The following DAB1 variants were observed in gnomAD, a reference collection of about 807,000 sequenced individuals.
DAB1 encodes the protein disabled homolog 1.
In DAB1, 15 loss-of-function variants were observed where a neutral mutation model predicts 64.6. That is an observed-to-expected ratio of 0.23 (90% confidence interval 0.16 to 0.36). The LOEUF (loss-of-function observed/expected upper bound fraction) is 0.36. Ranked by LOEUF, DAB1 falls within the 10% of genes least tolerant of loss-of-function variation. The probability of loss-of-function intolerance (pLI) is 1.00; values close to 1 mark genes in which losing one functional copy is unlikely to be tolerated. For synonymous variants in DAB1, 235 were observed against 251.9 expected, an observed-to-expected ratio of 0.93 and a Z score of 0.64; for missense variants, 596 against 706.7, an observed-to-expected ratio of 0.84 and a Z score of 1.78.
chr1:57,464,105 T>TA (rs1686878465), intron 7 of DAB1, among the ~76,000 whole-genome samples: 1 of 152,202 alleles, frequency 6.6e-6, no homozygotes, highest in Non-Finnish European at 1.5e-5. Context: ...TACTTACTAA[T>TA]AAATACTGAA....
At chr1:58,530,483 T>C (rs554645983) in intron 1 of DAB1, 7 of 614,172 alleles carry the variant, frequency 1.1e-5, no homozygotes, top group Non-Finnish European at 2.0e-5. Flanking sequence ...ACACTAAAAA[T>C]TCGTACCCAT....
At chr1:57,770,324 G>C (rs1021999512) in intron 6 of DAB1, among the ~76,000 whole-genome samples, 4 of 152,182 alleles carry the variant, frequency 2.6e-5, no homozygotes, top group African/African-American at 9.6e-5. Context: ...CTGGAGTGCA[G>C]TGGTGTGATC....
intron 4 of DAB1, among the ~76,000 whole-genome samples, chr1:58,243,282 A>ATT (rs1660381125): frequency 6.6e-6 from 1 of 152,184 alleles, no homozygotes; most frequent in Non-Finnish European, 1.5e-5. Context: ...TGTATTCTGC[A>ATT]TTTTAAGTAA....
At chr1:57,458,308 AT>A (rs933232503) in intron 7 of DAB1, among the ~76,000 whole-genome samples, 1 of 151,926 alleles carries the variant, frequency 6.6e-6, no homozygotes, top group Non-Finnish European at 1.5e-5. Flanking sequence ...GCTCATTTAA[AT>A]TTTTTTTATA....
intron 6 of DAB1, among the ~76,000 whole-genome samples, chr1:57,661,230 C>G (rs1330400095): frequency 1.3e-5 from 2 of 152,198 alleles, no homozygotes; most frequent in African/African-American, 4.8e-5. Flanking sequence ...GGCAGGGAGG[C>G]AGATTGTTAC....
chr1:58,166,009 A>C (rs1655811995), intron 4 of DAB1, among the ~76,000 whole-genome samples: 1 of 152,222 alleles, frequency 6.6e-6, no homozygotes. Context: ...GTTAGTAAGT[A>C]AGTGGAAAGA....
intron 2 of DAB1, among the ~76,000 whole-genome samples, chr1:58,521,063 C>A (rs1646254458): frequency 6.6e-6 from 1 of 152,222 alleles, no homozygotes; most frequent in Admixed American, 6.5e-5. Flanking sequence ...AAGACCCAAC[C>A]CTTTTCAAAG....
At chr1:57,327,784 G>A (rs766506013) in intron 1 of DAB1, among the ~76,000 whole-genome samples, 15 of 151,984 alleles carry the variant, frequency 9.9e-5, no homozygotes, top group Non-Finnish European at 2.2e-4. Flanking sequence ...AGATTTGAGC[G>A]GCCAAATCAA....
intron 7 of DAB1, among the ~76,000 whole-genome samples, chr1:57,453,419 C>A (rs554494033): frequency 2.0e-4 from 31 of 152,258 alleles, no homozygotes; most frequent in African/African-American, 7.0e-4. Context: ...GGAGAAACAT[C>A]CATGTGCTCA....
intron 5 of DAB1, among the ~76,000 whole-genome samples, chr1:57,908,219 G>A (rs957718093): frequency 3.3e-5 from 5 of 152,080 alleles, no homozygotes; most frequent in African/African-American, 1.2e-4. Context: ...CCCCAGAAGT[G>A]TATCTTTGAG....
In DAB1 at chr1:58,222,500, T is replaced by C. The variant is rs113079173; in HGVS notation, n.310-71912A>G. Reference sequence around the variant, plus strand: ...GACCTGTAAGTTATGATGATAATAGTTATGAGACAAATTCCTTTGAGAAGC... The same window carrying C: ...GACCTGTAAGTTATGATGATAATAGCTATGAGACAAATTCCTTTGAGAAGC... On this transcript the variant is annotated intron_variant and non_coding_transcript_variant, in intron 4 of 20. Coordinates refer to the DAB1 transcript ENST00000485760. 5.4e-3 allele frequency among the ~76,000 whole-genome samples: 821 copies of C among 152,340 alleles called. 9 individuals are homozygous for C. Among genetic ancestry groups the C allele is most frequent in the African/African-American group, 0.019 (775 of 41,574 alleles).
At chr1:57,988,056 G>A (rs1023080133) in intron 5 of DAB1, among the ~76,000 whole-genome samples, 2 of 152,114 alleles carry the variant, frequency 1.3e-5, no homozygotes, top group Admixed American at 6.5e-5. Context: ...GGGGCCAGGT[G>A]TGTACTTAGG....
intron 6 of DAB1, among the ~76,000 whole-genome samples, chr1:57,790,329 G>A (rs192800962): frequency 2.6e-5 from 4 of 152,248 alleles, no homozygotes; most frequent in East Asian, 1.9e-4. Context: ...CCTTTGCTCT[G>A]TACTTCTCCT....
chr1:57,599,541 A>G (rs148399434), intron 7 of DAB1, among the ~76,000 whole-genome samples: 1 of 152,152 alleles, frequency 6.6e-6, no homozygotes, highest in East Asian at 2.0e-4. Flanking sequence ...CGGGAGCTCG[A>G]GTAAGTTATA....
chr1:57,439,417 G>GGTTTTTTTTTTTTTTTTTTTTTT (rs1328337487), intron 7 of DAB1, among the ~76,000 whole-genome samples: 16 of 111,028 alleles, frequency 1.4e-4, no homozygotes, highest in South Asian at 6.7e-4. Context: ...TTGGTGATGA[G>GGTTTTTTTTTTTTTTTTTTTTTT]GTTTTTTCTT....
chr1:58,145,438 G>GGGATTACTA lies in DAB1; in HGVS notation n.387+5072_387+5073insTAGTAATCC, dbSNP rs1449219319. 4.0e-3 allele frequency among the ~76,000 whole-genome samples: 614 copies of GGGATTACTA among 152,296 alleles called. 6 individuals are homozygous for GGGATTACTA. Among genetic ancestry groups the GGGATTACTA allele is most frequent in the African/African-American group, 0.014 (571 of 41,552 alleles). ...TTAGTACTCCCGTCACATGGATGTC[G>GGGATTACTA]TAAAGATTAAATATAATGATGAAAG... On this transcript the variant is annotated intron_variant and non_coding_transcript_variant, in intron 5 of 20. Transcript: ENST00000485760.
intron 3 of DAB1, among the ~76,000 whole-genome samples, chr1:58,460,289 T>C (rs988246228): frequency 2.6e-5 from 4 of 152,126 alleles, no homozygotes; most frequent in Admixed American, 6.5e-5. Context: ...AGGACATATC[T>C]GTGGTAGAGA....
At chr1:58,201,231 T>C (rs1477435809) in intron 4 of DAB1, among the ~76,000 whole-genome samples, 1 of 152,172 alleles carries the variant, frequency 6.6e-6, no homozygotes, top group Non-Finnish European at 1.5e-5. Context: ...TTAGCCAGGA[T>C]GGTCTCGATC....
At chr1:57,347,285 A>G (rs1012824367) in intron 1 of DAB1, among the ~76,000 whole-genome samples, 1 of 152,196 alleles carries the variant, frequency 6.6e-6, no homozygotes, top group Non-Finnish European at 1.5e-5. Context: ...TCCTCACTTT[A>G]TGCAGTAAGA....
Sources: gnomAD v4.1 joint callset for allele counts (sites outside exome capture counted in the v4.1 genomes callset) on GRCh38, gnomAD v4.1.1 for gene constraint, MANE v1.5 for transcripts, NCBI Gene and HGNC (gene_info 2026-07-23, HGNC 2026-07-21) for gene names.